Variants in SRGAP1 observed in about 807,000 individuals in gnomAD.
The protein encoded by SRGAP1 is SLIT-ROBO Rho GTPase-activating protein 1.
In SRGAP1, 43 loss-of-function variants were observed where a neutral mutation model predicts 121.9. The observed-to-expected ratio is 0.35, with a 90% CI of 0.28 to 0.46. The LOEUF is 0.46. Among genes scored for constraint, SRGAP1 ranks in the 20% least tolerant of loss-of-function variants. The probability of loss-of-function intolerance (pLI) is 1.00; values close to 1 mark genes in which losing one functional copy is unlikely to be tolerated. For missense variants in SRGAP1, 1,102 were observed against 1,350.9 expected, an observed-to-expected ratio of 0.82 and a Z score of 2.89; for synonymous variants, 447 against 485.4, an observed-to-expected ratio of 0.92 and a Z score of 1.04.
At chr12:63,978,518 A>G (rs973443911) in intron 1 of SRGAP1, among the ~76,000 whole-genome samples, 1 of 152,192 alleles carries the variant, frequency 6.6e-6, no homozygotes, top group Non-Finnish European at 1.5e-5. Flanking sequence ...AGGTTCATCC[A>G]TGTTGTAAAT....
intron 1 of SRGAP1, among the ~76,000 whole-genome samples, chr12:63,876,852 T>C (rs1900045123): frequency 6.6e-6 from 1 of 152,224 alleles, no homozygotes; most frequent in African/African-American, 2.4e-5. Flanking sequence ...TGGAAATTAT[T>C]AATGAACCTT....
intron 10 of SRGAP1, chr12:64,080,756 G>T: frequency 3.7e-6 from 1 of 271,280 alleles, no homozygotes; most frequent in Non-Finnish European, 7.1e-6. Context: ...ACCCCTGTTT[G>T]TTTTAATGGG....
chr12:63,880,498 T>C (rs946434770), intron 1 of SRGAP1, among the ~76,000 whole-genome samples: 11 of 152,290 alleles, frequency 7.2e-5, no homozygotes, highest in Non-Finnish European at 1.2e-4. Flanking sequence ...CCTCCGAAAG[T>C]GCTGGTATTA....
At position 63,844,881 on chromosome 12, in the gene SRGAP1, A is replaced by G; in HGVS notation, c.65A>G (p.Lys22Arg). 6.2e-7 allele frequency: 1 copy of G among 1,614,116 alleles called. No individual in the cohort carries two copies. Among genetic ancestry groups the G allele is most frequent in the South Asian group, 1.1e-5 (1 of 91,072 alleles). The change falls in exon 1 of 22, where the codon AAA becomes AGA. Residue 22 changes from lysine (K) to arginine (R), a missense_variant and splice_region_variant. Coordinates refer to ENST00000355086, the MANE Select transcript of SRGAP1 (RefSeq NM_020762.4). This position sits in a 1 kb window ranked among gnomAD's most constrained non-coding sequence, Gnocchi z 4.3. ...ATAGCCGAGTATGAAAGTCAAGTCA[A>G]AGGTAAGGATGGGAGCGGCTGCCTT... ...EIIAEYESQV[K>R]EIRAQLVEQQ...
intron 21 of SRGAP1, among the ~76,000 whole-genome samples, chr12:64,136,441 A>T (rs978474767): frequency 1.3e-5 from 2 of 152,220 alleles, no homozygotes; most frequent in African/African-American, 4.8e-5. Flanking sequence ...ATAATCTAAA[A>T]GGCAACTTCC....
At position 64,128,065 on chromosome 12, in the gene SRGAP1, T is replaced by C. The variant is rs1379616054; in HGVS notation, c.2745T>C (p.His915=). ...DSPERRRRPG[H]GSLTNISRHD... ...CTGAGCGGAGGCGCAGGCCTGGCCA[T>C]GGCAGCCTGACCAACATCAGCCGGC... Residue 915 remains histidine, a synonymous_variant, in exon 21 of 22, where the codon CAT becomes CAC. Transcript: ENST00000355086. The C allele has an allele frequency of 3.1e-6, 5 of 1,614,152 alleles. No homozygotes were observed. The South Asian group carries it at 4.4e-5, about 14-fold the overall frequency.
At chr12:64,081,878 T>A (rs1012168258) in intron 10 of SRGAP1, 1 of 151,668 alleles carries the variant, frequency 6.6e-6, no homozygotes, top group Non-Finnish European at 1.5e-5. Context: ...CTTCCTGTAC[T>A]GCTCTTTTAA....
At chr12:64,043,684 T>C (rs750239007) in intron 6 of SRGAP1, 109 bp downstream of exon 6, 31 of 806,800 alleles carry the variant, frequency 3.8e-5, no homozygotes, top group Non-Finnish European at 5.3e-5. Flanking sequence ...TTTTACGTAA[T>C]ACTCAAAAAG....
chr12:63,846,128 T>C (rs1898894581), intron 1 of SRGAP1, among the ~76,000 whole-genome samples: 2 of 151,564 alleles, frequency 1.3e-5, no homozygotes, highest in African/African-American at 4.9e-5. Context: ...TGGAGTTATC[T>C]ATAGGCTGAC....
chr12:64,070,840 T>C (rs1314775188), intron 8 of SRGAP1, among the ~76,000 whole-genome samples: 1 of 152,208 alleles, frequency 6.6e-6, no homozygotes, highest in Non-Finnish European at 1.5e-5. Flanking sequence ...TCCCCCCAAA[T>C]TTCTTATAGT....
intron 8 of SRGAP1, among the ~76,000 whole-genome samples, chr12:64,077,800 T>A (rs1203251649): frequency 6.6e-6 from 1 of 152,212 alleles, no homozygotes; most frequent in East Asian, 1.9e-4. Flanking sequence ...GAATCTTTGT[T>A]CATCTGGACA....
intron 21 of SRGAP1, among the ~76,000 whole-genome samples, chr12:64,141,505 G>A (rs913049145): frequency 1.3e-4 from 20 of 152,000 alleles, no homozygotes; most frequent in East Asian, 3.9e-4. Flanking sequence ...GTTTGAACCC[G>A]GGAGGCAGAG....
In SRGAP1 at chr12:64,147,725, C is replaced by T; in HGVS notation, c.*5053C>T. The T allele has an allele frequency of 2.5e-6, 1 of 398,566 alleles. No individual in the cohort carries two copies. The highest frequency in any genetic ancestry group is 4.4e-6 in the Non-Finnish European group (1 of 226,076). The allele number at this position is 398,566 out of a possible 1,614,324, so 24.7% of individuals were successfully genotyped here. A position where few individuals can be genotyped will look rare whatever the true frequency, so the allele number is the denominator to read the frequency against. On this transcript the variant is annotated 3_prime_UTR_variant, in exon 22 of 22. Transcript: ENST00000355086. ...TTTGTTAATCTGTTGTGACAATGCA[C>T]TTTTATGTATAGTACTGTACATTTT...
intron 1 of SRGAP1, among the ~76,000 whole-genome samples, chr12:63,914,360 CT>C (rs2030685950): frequency 6.6e-6 from 1 of 152,084 alleles, no homozygotes; most frequent in African/African-American, 2.4e-5. Context: ...ATTCTAGCTG[CT>C]TATCTGTTCC....
At chr12:64,067,921 A>C (rs900450640) in intron 8 of SRGAP1, among the ~76,000 whole-genome samples, 21 of 143,706 alleles carry the variant, frequency 1.5e-4, no homozygotes, top group Middle Eastern at 3.7e-3. Flanking sequence ...CCTGTCTCCC[A>C]AAAAAAAAAA....
chr12:64,001,641 CT>C (rs2033901127), intron 3 of SRGAP1, among the ~76,000 whole-genome samples: 1 of 152,166 alleles, frequency 6.6e-6, no homozygotes, highest in African/African-American at 2.4e-5. Flanking sequence ...TTGAGGACAT[CT>C]TAGATCATCC....
intron 12 of SRGAP1, among the ~76,000 whole-genome samples, chr12:64,093,605 A>G (rs1315876499): frequency 6.6e-6 from 1 of 152,104 alleles, no homozygotes; most frequent in Non-Finnish European, 1.5e-5. Flanking sequence ...CTTAAAGAAA[A>G]ATCCTTTCAC....
rs1356018542 is a variant in SRGAP1, at chr12:64,162,169, T to C, written c.*19497T>C. The C allele has an allele frequency of 6.6e-6, 1 of 152,164 alleles. No homozygotes were observed. Among genetic ancestry groups the C allele is most frequent in the Non-Finnish European group, 1.5e-5 (1 of 68,022 alleles). The allele number at this position is 152,164 out of a possible 1,614,324, so 9.4% of individuals were successfully genotyped here. A position where few individuals can be genotyped will look rare whatever the true frequency, so the allele number is the denominator to read the frequency against. Reference sequence around the variant, plus strand: ...TGTGATAACTACACATCTGTAAATATACTAAAAACCACTGAATTGTATCCA... The same window carrying C: ...TGTGATAACTACACATCTGTAAATACACTAAAAACCACTGAATTGTATCCA... On this transcript the variant is annotated 3_prime_UTR_variant, in exon 22 of 22. Coordinates refer to ENST00000355086, the MANE Select transcript of SRGAP1 (RefSeq NM_020762.4).
chr12:64,033,013 C>G (rs1396084601), intron 4 of SRGAP1, among the ~76,000 whole-genome samples: 1 of 151,868 alleles, frequency 6.6e-6, no homozygotes, highest in Non-Finnish European at 1.5e-5. Flanking sequence ...TTTTTTAAAT[C>G]CCCAAAAAAG....
Sources: allele counts gnomAD v4.1 joint callset (sites outside exome capture counted in the v4.1 genomes callset), GRCh38; gene constraint gnomAD v4.1.1; non-coding constraint Gnocchi (gnomAD v3.1); transcripts MANE v1.5; gene names NCBI Gene and HGNC (gene_info 2026-07-23, HGNC 2026-07-21).